PCLO: variants seen among roughly 807,000 people sequenced by gnomAD.
PCLO encodes the protein protein piccolo.
Under a neutral mutation model 427.5 loss-of-function variants are expected in PCLO, and 82 were observed. That is an observed-to-expected ratio of 0.19 (90% CI 0.16 to 0.23). PCLO has a LOEUF of 0.23. Ranked by LOEUF, PCLO falls within the 10% of genes least tolerant of loss-of-function variation. PCLO has a pLI of 1.00. For synonymous variants in PCLO, 2,357 were observed against 2,155.4 expected, an observed-to-expected ratio of 1.09 and a Z score of -2.59; for missense variants, 6,239 against 6,115.9, an observed-to-expected ratio of 1.02 and a Z score of -0.67.
chr7:83,150,478 A>G (rs1322779450), intron 2 of PCLO, among the ~76,000 whole-genome samples: 2 of 152,154 alleles, frequency 1.3e-5, no homozygotes, highest in African/African-American at 4.8e-5. Context: ...CTTCACATAG[A>G]TGTTTGGGTT....
At chr7:82,984,341 A>G (rs921264222) in intron 3 of PCLO, among the ~76,000 whole-genome samples, 4 of 151,806 alleles carry the variant, frequency 2.6e-5, no homozygotes, top group Non-Finnish European at 5.9e-5. Flanking sequence ...ATTACAAAAC[A>G]GATTTTAATT....
At chr7:82,913,736 T>C (rs541303113) in intron 7 of PCLO, among the ~76,000 whole-genome samples, 1 of 152,036 alleles carries the variant, frequency 6.6e-6, no homozygotes, top group Non-Finnish European at 1.5e-5. Flanking sequence ...AGTTAAGTAT[T>C]TACTTGTACT....
At chr7:83,020,151 G>T (rs1788306242) in intron 3 of PCLO, among the ~76,000 whole-genome samples, 1 of 152,072 alleles carries the variant, frequency 6.6e-6, no homozygotes, top group Admixed American at 6.6e-5. Flanking sequence ...CACATCTAAA[G>T]TAGACCTTTT....
intron 3 of PCLO, among the ~76,000 whole-genome samples, chr7:83,034,735 C>A (rs967636695): frequency 4.6e-5 from 7 of 152,234 alleles, no homozygotes; most frequent in African/African-American, 7.2e-5. Flanking sequence ...TGTGCTTAAT[C>A]TGGCAGTATC....
intron 3 of PCLO, among the ~76,000 whole-genome samples, chr7:83,126,272 C>T (rs562888930): frequency 6.6e-6 from 1 of 151,970 alleles, no homozygotes; most frequent in African/African-American, 2.4e-5. Context: ...TTAATGAGTA[C>T]AAAAATACAG....
chr7:83,003,386 T>C (rs576912234), intron 3 of PCLO, among the ~76,000 whole-genome samples: 2 of 151,874 alleles, frequency 1.3e-5, no homozygotes, highest in East Asian at 3.9e-4. Flanking sequence ...ATATTTAATG[T>C]TAGCTTTGAT....
At position 83,000,268 on chromosome 7, in the gene PCLO, TGAGAGAGAGAGAGAGAGA is replaced by T. The variant is rs145445022; in HGVS notation, c.3301-33799_3301-33782del. Among the ~76,000 whole-genome samples the T allele has an allele frequency of 3.7e-5, 2 of 54,116 alleles. 1 individual carries two copies. The highest frequency in any genetic ancestry group is 1.7e-4 in the African/African-American group (2 of 11,964). 35.5% of individuals were successfully genotyped at this position (54,116 alleles called of 152,430 possible). A position where few individuals can be genotyped will look rare whatever the true frequency, so the allele number is the denominator to read the frequency against. ...GAGTAGAGTAAAATATTCAAAGTGT[TGAGAGAGAGAGAGAGAGA>T]GAGAGAGAGAGAGAGAGAGAAAATA... On this transcript the variant is annotated intron_variant, in intron 3 of 24. Transcript: ENST00000333891.
intron 3 of PCLO, among the ~76,000 whole-genome samples, chr7:83,047,495 A>G (rs1176671953): frequency 6.6e-6 from 1 of 152,040 alleles, no homozygotes; most frequent in Non-Finnish European, 1.5e-5. Flanking sequence ...ATCATAGTCA[A>G]TGTGATTTGC....
chr7:83,023,746 C>T (rs1354181031), intron 3 of PCLO, among the ~76,000 whole-genome samples: 1 of 152,118 alleles, frequency 6.6e-6, no homozygotes, highest in Non-Finnish European at 1.5e-5. Context: ...AATAGTTTCA[C>T]TTTAAAAATT....
rs1436179323 is a variant in PCLO, at chr7:82,951,238, T to C, written c.9350A>G (p.Asp3117Gly). Reference protein sequence around the residue: ...PGSIFSTTVRDLSGIHTADAV... With the variant: ...PGSIFSTTVRGLSGIHTADAV... ...ATCAGCCGTATGAATACCAGACAAA[T>C]CCCTCACTGTGGTGCTGAAAATGGA... Residue 3117 changes from aspartate to glycine, a missense_variant, in exon 6 of 25, where the codon GAT becomes GGT. Physicochemically the swap from Asp to Gly is moderately conservative, Grantham distance 94. Coordinates refer to ENST00000333891, the MANE Select transcript of PCLO (RefSeq NM_033026.6). 1 of 1,613,482 alleles carries C rather than the reference T, an allele frequency of 6.2e-7. No homozygotes were observed. The highest frequency in any genetic ancestry group is 1.3e-5 in the African/African-American group (1 of 74,896).
intron 3 of PCLO, among the ~76,000 whole-genome samples, chr7:83,028,192 G>T (rs894247576): frequency 6.6e-6 from 1 of 152,072 alleles, no homozygotes; most frequent in Non-Finnish European, 1.5e-5. Flanking sequence ...TGACATGATT[G>T]TATATCTAGA....
chr7:82,786,457 A>C (rs2129468277), intron 22 of PCLO, among the ~76,000 whole-genome samples: 1 of 152,350 alleles, frequency 6.6e-6, no homozygotes, highest in South Asian at 2.1e-4. Flanking sequence ...TTAAACAATT[A>C]TGTTTAAGGA....
intron 4 of PCLO, among the ~76,000 whole-genome samples, chr7:82,960,145 GT>G (rs1320769867): frequency 6.6e-6 from 1 of 152,222 alleles, no homozygotes; most frequent in East Asian, 1.9e-4. Context: ...AAAGGATGCA[GT>G]GTTAAGTTTT....
At chr7:82,770,225 T>C (rs1790620443) in intron 22 of PCLO, among the ~76,000 whole-genome samples, 1 of 151,962 alleles carries the variant, frequency 6.6e-6, no homozygotes, top group Admixed American at 6.6e-5. Context: ...ATTAATTCTT[T>C]TTATTTCTCC....
At chr7:82,995,382 T>C (rs528089211) in intron 3 of PCLO, among the ~76,000 whole-genome samples, 2 of 151,944 alleles carry the variant, frequency 1.3e-5, no homozygotes, top group Non-Finnish European at 2.9e-5. Context: ...GCAAATAAAT[T>C]GGAAGCCAGG....
chr7:82,865,768 T>G (rs1793077316), intron 10 of PCLO, among the ~76,000 whole-genome samples: 1 of 152,224 alleles, frequency 6.6e-6, no homozygotes, highest in Non-Finnish European at 1.5e-5. Context: ...GATACATATG[T>G]ATATCTATTA....
intron 3 of PCLO, among the ~76,000 whole-genome samples, chr7:83,114,212 G>C (rs189803450): frequency 6.6e-6 from 1 of 152,090 alleles, no homozygotes; most frequent in Non-Finnish European, 1.5e-5. Flanking sequence ...TGATAGTCCT[G>C]AGGAGATAAT....
chr7:82,783,462 A>T (rs557027367), intron 22 of PCLO, among the ~76,000 whole-genome samples: 1 of 152,216 alleles, frequency 6.6e-6, no homozygotes, highest in East Asian at 1.9e-4. Flanking sequence ...AAAATACATT[A>T]AAAAAGAAAA....
Position 82,767,015 on chromosome 7 carries a change from T to G in PCLO, c.15008-5522A>C, listed in dbSNP as rs1272281613. ...TTGCTACCTCTTATATCTGACCTTT[T>G]ATAGGTTTGTAATGCTTTTGTCTTT... On this transcript the variant is annotated intron_variant, in intron 22 of 24. Coordinates refer to ENST00000333891, the MANE Select transcript of PCLO (RefSeq NM_033026.6). Among the ~76,000 whole-genome samples the G allele has an allele frequency of 6.6e-5, 10 of 152,178 alleles. 1 individual carries two copies. The highest frequency in any genetic ancestry group is 5.2e-4 in the Admixed American group (8 of 15,270).
Sources: gnomAD v4.1 joint callset for allele counts (sites outside exome capture counted in the v4.1 genomes callset) on GRCh38, gnomAD v4.1.1 for gene constraint, MANE v1.5 for transcripts, NCBI Gene and HGNC (gene_info 2026-07-23, HGNC 2026-07-21) for gene names.